CACNA1A: variants seen among roughly 807,000 people sequenced by gnomAD.
CACNA1A encodes voltage-dependent P/Q-type calcium channel subunit alpha-1A.
Under a neutral mutation model 262.4 loss-of-function variants are expected in CACNA1A, and 57 were observed. That is an observed-to-expected ratio of 0.22 (90% CI 0.18 to 0.27). The LOEUF (loss-of-function observed/expected upper bound fraction) is 0.27. Among genes scored for constraint, CACNA1A ranks in the 10% least tolerant of loss-of-function variants. The probability of loss-of-function intolerance (pLI) is 1.00; values close to 1 mark genes in which losing one functional copy is unlikely to be tolerated. For missense variants in CACNA1A, 2,526 were observed against 3,562.8 expected (o/e 0.71, Z 7.41); for synonymous variants, 1,431 against 1,419.3 (o/e 1.01, Z -0.18).
Position 13,240,511 on chromosome 19 carries a change from T to C in CACNA1A, c.4950+4671A>G, listed in dbSNP as rs191487346. On this transcript the variant is annotated intron_variant, in intron 31 of 46. Coordinates refer to ENST00000360228, the MANE Select transcript of CACNA1A (RefSeq NM_001127222.2). The stretch of plus-strand genomic sequence containing the variant: ...TACATGCAGTGCCAGTGTGTGTACA[T>C]AGTGACTGTGCACAGTGTGTGTGCA... Among the ~76,000 whole-genome samples, 22 of 149,384 alleles carry C rather than the reference T, an allele frequency of 1.5e-4. No homozygotes were observed. The East Asian group carries it at 4.1e-3, about 28-fold the overall frequency.
intron 31 of CACNA1A, among the ~76,000 whole-genome samples, chr19:13,238,702 C>G (rs116975152): frequency 6.6e-6 from 1 of 151,824 alleles, no homozygotes; most frequent in African/African-American, 2.4e-5. Context: ...TCTCCTGTCT[C>G]GGCCTCCTGA....
intron 30 of CACNA1A, among the ~76,000 whole-genome samples, chr19:13,248,703 C>T (rs911461361): frequency 7.9e-5 from 12 of 152,006 alleles, no homozygotes; most frequent in Admixed American, 7.2e-4. Context: ...ATTAGCCGGG[C>T]GTGATGGTGG....
intron 3 of CACNA1A, among the ~76,000 whole-genome samples, chr19:13,401,782 G>C (rs951623695): frequency 1.3e-5 from 2 of 152,124 alleles, no homozygotes; most frequent in African/African-American, 2.4e-5. Flanking sequence ...GCATGGAGTC[G>C]AGCCATATTT....
intron 3 of CACNA1A, among the ~76,000 whole-genome samples, chr19:13,402,063 TTAAC>T (rs1213110452): frequency 6.6e-6 from 1 of 152,228 alleles, no homozygotes; most frequent in Admixed American, 6.5e-5. Context: ...GCAGCTGGTG[TTAAC>T]TAACACAGCC....
chr19:13,474,761 G>A (rs1403449219), intron 1 of CACNA1A, among the ~76,000 whole-genome samples: 1 of 151,326 alleles, frequency 6.6e-6, no homozygotes, highest in African/African-American at 2.4e-5. Context: ...AGGTTGCAGT[G>A]AGCCAACATC....
chr19:13,275,546 A>T, intron 24 of CACNA1A: 1 of 419,770 alleles, frequency 2.4e-6, no homozygotes, highest in Non-Finnish European at 4.5e-6. Context: ...GGGGGATGAG[A>T]TGTTCCGGCG....
chr19:13,339,669 T>C (rs1456155712), intron 6 of CACNA1A, among the ~76,000 whole-genome samples: 1 of 151,974 alleles, frequency 6.6e-6, no homozygotes, highest in African/African-American at 2.4e-5. Context: ...AACGTCACTA[T>C]GTACCCCATG....
chr19:13,225,001 T>TC, intron 37 of CACNA1A: 1 of 429,258 alleles, frequency 2.3e-6, no homozygotes, highest in Non-Finnish European at 4.2e-6. Context: ...TCTCCTTTTT[T>TC]CCCCCACCTG....
intron 3 of CACNA1A, among the ~76,000 whole-genome samples, chr19:13,418,668 G>A (rs368416507): frequency 3.3e-5 from 5 of 151,968 alleles, no homozygotes; most frequent in East Asian, 1.9e-4. Context: ...ATCCTCCCCC[G>A]GATCCTTTGG....
chr19:13,462,387 T>C (rs1260703507), intron 1 of CACNA1A, among the ~76,000 whole-genome samples: 1 of 152,128 alleles, frequency 6.6e-6, no homozygotes, highest in Non-Finnish European at 1.5e-5. Flanking sequence ...CTCATCACAA[T>C]CACCAGGAAA....
chr19:13,220,340 C>A (rs2055176734), intron 38 of CACNA1A, among the ~76,000 whole-genome samples: 1 of 152,032 alleles, frequency 6.6e-6, no homozygotes, highest in South Asian at 2.1e-4. Flanking sequence ...ATCAGGTGAG[C>A]CCTTGAAAAG....
intron 24 of CACNA1A, 167 bp downstream of exon 24, chr19:13,275,683 C>G (rs2057129890): frequency 6.2e-6 from 4 of 642,852 alleles, no homozygotes; most frequent in Admixed American, 4.5e-5. Context: ...GGACATCATG[C>G]AAAAAGCCAT....
chr19:13,226,725 C>T lies in CACNA1A; in HGVS notation c.5625+706G>A, dbSNP rs569185271. On this transcript the variant is annotated intron_variant, in intron 37 of 46. Transcript: ENST00000360228. ...TGGTGCCTGCCCGCCCCAGGCCCCG[C>T]CAAGGCAGCGTGCATGGCCTGCATC... 7.2e-5 allele frequency among the ~76,000 whole-genome samples: 11 copies of T among 152,310 alleles called. No individual in the cohort carries two copies. In the East Asian group the frequency reaches 1.2e-3, roughly 16 times the overall value.
intron 1 of CACNA1A, among the ~76,000 whole-genome samples, chr19:13,499,403 G>A (rs1329920805): frequency 7.6e-6 from 1 of 131,216 alleles, no homozygotes; most frequent in African/African-American, 2.9e-5. Context: ...TTTAAAGAGC[G>A]CCACGATCAG....
At chr19:13,254,030 T>C (rs1417401828) in intron 29 of CACNA1A, among the ~76,000 whole-genome samples, 1 of 152,014 alleles carries the variant, frequency 6.6e-6, no homozygotes, top group African/African-American at 2.4e-5. Context: ...TGAGCCACCT[T>C]GCCCGGCCAC....
rs367960693 is a variant in CACNA1A at position 13,405,191 on chromosome 19, C to T, written c.540-33412G>A. Among the ~76,000 whole-genome samples, 32 of 148,528 alleles carry T rather than the reference C, an allele frequency of 2.2e-4. 1 individual carries two copies. Among genetic ancestry groups the T allele is most frequent in the African/African-American group, 5.7e-4 (23 of 40,224 alleles). On this transcript the variant is annotated intron_variant, in intron 3 of 46. Coordinates refer to ENST00000360228, the MANE Select transcript of CACNA1A (RefSeq NM_001127222.2). ...GATTACAGGTATGAGCCAGCGCGCCCGGCCATTATTATTATTTTTGAGATA... is the reference window on the plus strand; with the variant it reads ...GATTACAGGTATGAGCCAGCGCGCCTGGCCATTATTATTATTTTTGAGATA...
At chr19:13,419,364 A>G (rs550244341) in intron 3 of CACNA1A, among the ~76,000 whole-genome samples, 2 of 152,290 alleles carry the variant, frequency 1.3e-5, no homozygotes, top group Admixed American at 1.3e-4. Context: ...AAAATCGCCT[A>G]TTGACTCAGT....
chr19:13,471,096 T>C (rs2061339796), intron 1 of CACNA1A, among the ~76,000 whole-genome samples: 1 of 152,162 alleles, frequency 6.6e-6, no homozygotes, highest in Non-Finnish European at 1.5e-5. Context: ...CATTCTCTGC[T>C]TCTATTGCCA....
Position 13,291,171 on chromosome 19 carries a change from T to C in CACNA1A, c.3090-4205A>G, listed in dbSNP as rs562144848. ...AATAGGTGGCCAGTTGCATAACACC[T>C]GCTGTGCGTGGCGTTCTTGTGCCAG... is the stretch of plus-strand genomic sequence containing the variant. On this transcript the variant is annotated intron_variant, in intron 19 of 46. Transcript: ENST00000360228. Among the ~76,000 whole-genome samples, 6 of 152,262 alleles carry C rather than the reference T, an allele frequency of 3.9e-5. No homozygotes were observed. The East Asian group carries it at 7.7e-4, about 20-fold the overall frequency.
Sources: gnomAD v4.1 joint callset for allele counts (sites outside exome capture counted in the v4.1 genomes callset) on GRCh38, gnomAD v4.1.1 for gene constraint, MANE v1.5 for transcripts, NCBI Gene and HGNC (gene_info 2026-07-23, HGNC 2026-07-21) for gene names.